Variants in PPM1L observed in about 807,000 individuals in gnomAD.
The protein encoded by PPM1L is protein phosphatase 1L.
In PPM1L, 13 loss-of-function variants were observed where a neutral mutation model predicts 31.4. The observed-to-expected ratio is 0.41, with a 90% CI of 0.27 to 0.66. PPM1L has a LOEUF of 0.66. Ranked by LOEUF, PPM1L falls within the 30% of genes least tolerant of loss-of-function variation. The pLI is 0.29. For synonymous variants in PPM1L, 184 were observed against 175.4 expected, an observed-to-expected ratio of 1.05 and a Z score of -0.39; for missense variants, 326 against 453.7, an observed-to-expected ratio of 0.72 and a Z score of 2.56.
At chr3:160,803,829 C>T (rs1400510970) in intron 1 of PPM1L, among the ~76,000 whole-genome samples, 2 of 152,224 alleles carry the variant, frequency 1.3e-5, no homozygotes, top group Non-Finnish European at 2.9e-5. Context: ...TGTGTTTAGA[C>T]ATCTTTTTTG....
intron 2 of PPM1L, among the ~76,000 whole-genome samples, chr3:160,970,930 A>G (rs1277086354): frequency 6.6e-6 from 1 of 151,740 alleles, no homozygotes; most frequent in Non-Finnish European, 1.5e-5. Flanking sequence ...AGCTGGGACT[A>G]CAGGCGCCCG....
intron 2 of PPM1L, among the ~76,000 whole-genome samples, chr3:161,033,597 T>A (rs1335483658): frequency 2.6e-5 from 4 of 152,190 alleles, no homozygotes; most frequent in African/African-American, 4.8e-5. Context: ...GGGGAAAGGA[T>A]TCCCTATTTA....
intron 2 of PPM1L, among the ~76,000 whole-genome samples, chr3:161,046,132 A>AAAC (rs1719058277): frequency 6.6e-6 from 1 of 150,496 alleles, no homozygotes; most frequent in Non-Finnish European, 1.5e-5. Flanking sequence ...AAAAAAAAAA[A>AAAC]AATCAATGAA....
At position 161,065,477 on chromosome 3, in the gene PPM1L, C is replaced by T. The variant is rs1719709950; in HGVS notation, c.649C>T (p.Leu217=). The T allele has an allele frequency of 1.2e-6, 2 of 1,613,930 alleles. No individual in the cohort carries two copies. Among genetic ancestry groups the T allele is most frequent in the Admixed American group, 1.7e-5 (1 of 59,984 alleles). ...VANVGDSRGV[L]CDKDGNAIPL... ...CAACGTGGGTGACTCGCGCGGGGTC[C>T]TGTGTGACAAAGATGGGAACGCTAT... The change falls in exon 3 of 4, where the codon CTG becomes TTG. Residue 217 remains leucine, a synonymous_variant. Coordinates refer to ENST00000498165, the MANE Select transcript of PPM1L (RefSeq NM_139245.4).
In PPM1L at chr3:160,817,847, G is replaced by C. The variant is rs556916756; in HGVS notation, c.399+61140G>C. On this transcript the variant is annotated intron_variant, in intron 1 of 3. Coordinates refer to ENST00000498165, the MANE Select transcript of PPM1L (RefSeq NM_139245.4). Reference sequence around the variant, plus strand: ...TCAGCTTTGGGCATATTTAGATTGAGGTGACAATTGGCCAGATAAGTATTC... The same window carrying C: ...TCAGCTTTGGGCATATTTAGATTGACGTGACAATTGGCCAGATAAGTATTC... Among the ~76,000 whole-genome samples, 334 of 152,052 alleles carry C rather than the reference G, an allele frequency of 2.2e-3. 2 individuals are homozygous for C. The highest frequency in any genetic ancestry group is 7.7e-3 in the African/African-American group (319 of 41,524).
chr3:160,827,464 T>TGTGTGG (rs982675132), intron 1 of PPM1L, among the ~76,000 whole-genome samples: 2 of 151,528 alleles, frequency 1.3e-5, no homozygotes, highest in Admixed American at 6.6e-5. Flanking sequence ...TGTGTGTGTG[T>TGTGTGG]GTGTGTGTGT....
chr3:160,833,867 G>T (rs1283309477), intron 1 of PPM1L, among the ~76,000 whole-genome samples: 1 of 151,850 alleles, frequency 6.6e-6, no homozygotes, highest in Non-Finnish European at 1.5e-5. Context: ...GTCCTGAATG[G>T]TATTGCCCAG....
At chr3:160,805,730 A>T (rs1413081010) in intron 1 of PPM1L, among the ~76,000 whole-genome samples, 1 of 152,092 alleles carries the variant, frequency 6.6e-6, no homozygotes, top group Non-Finnish European at 1.5e-5. Context: ...TCAAAAATAA[A>T]ATAAAATAAA....
intron 1 of PPM1L, among the ~76,000 whole-genome samples, chr3:160,794,039 C>G (rs1242750909): frequency 6.6e-6 from 1 of 152,142 alleles, no homozygotes; most frequent in Non-Finnish European, 1.5e-5. Flanking sequence ...TTACATCTCT[C>G]TGAGAATAGA....
In PPM1L at chr3:160,961,780, A is replaced by G. The variant is rs147890304; in HGVS notation, c.444A>G (p.Lys148=). The G allele has an allele frequency of 5.4e-5, 86 of 1,603,412 alleles. 1 individual carries two copies. In the Admixed American group the frequency reaches 1.0e-3, roughly 19 times the overall value. ...AATCTCGACTCCCAGAGGCCCTTAA[A>G]CAGCATCTTCAGGACTACGAGAAAG... ...YVKSRLPEAL[K]QHLQDYEKDK... The change falls in exon 2 of 4, where the codon AAA becomes AAG. Residue 148 remains lysine (K), a synonymous_variant. Coordinates refer to ENST00000498165, the MANE Select transcript of PPM1L (RefSeq NM_139245.4).
intron 2 of PPM1L, among the ~76,000 whole-genome samples, chr3:160,991,015 GGAA>G (rs1471053540): frequency 4.6e-5 from 7 of 151,380 alleles, no homozygotes; most frequent in South Asian, 2.1e-4. Flanking sequence ...GGGCCACATT[GGAA>G]GAAGAAGAAT....
chr3:161,038,690 C>T (rs890104145), intron 2 of PPM1L, among the ~76,000 whole-genome samples: 1 of 150,460 alleles, frequency 6.6e-6, no homozygotes, highest in Non-Finnish European at 1.5e-5. Context: ...ATAGTCTAGT[C>T]TCCCCTCTTA....
intron 2 of PPM1L, among the ~76,000 whole-genome samples, chr3:160,964,865 T>G (rs1249836648): frequency 6.6e-6 from 1 of 152,038 alleles, no homozygotes; most frequent in African/African-American, 2.4e-5. Context: ...ACCCATACGT[T>G]AATTATTTCA....
chr3:160,979,940 C>T (rs979374127), intron 2 of PPM1L, among the ~76,000 whole-genome samples: 1 of 151,980 alleles, frequency 6.6e-6, no homozygotes, highest in Non-Finnish European at 1.5e-5. Context: ...AACTGCAGTG[C>T]CAAGGTCAGA....
intron 1 of PPM1L, among the ~76,000 whole-genome samples, chr3:160,898,281 C>G (rs2108051355): frequency 6.6e-6 from 1 of 152,104 alleles, no homozygotes; most frequent in East Asian, 1.9e-4. Context: ...GAAGTAAAAA[C>G]CAAAATAATA....
At chr3:160,940,224 T>C (rs1715116851) in intron 1 of PPM1L, among the ~76,000 whole-genome samples, 1 of 152,132 alleles carries the variant, frequency 6.6e-6, no homozygotes, top group Admixed American at 6.6e-5. Context: ...TTCAGTTTTA[T>C]AAGGGAAGCA....
intron 2 of PPM1L, among the ~76,000 whole-genome samples, chr3:161,064,359 CCTAT>C (rs1359439470): frequency 6.8e-6 from 1 of 147,872 alleles, no homozygotes; most frequent in Non-Finnish European, 1.5e-5. Flanking sequence ...AGAGCAAGAC[CCTAT>C]CTCTTAAAAA....
intron 1 of PPM1L, among the ~76,000 whole-genome samples, chr3:160,908,290 A>T (rs1023565605): frequency 6.6e-6 from 1 of 152,168 alleles, no homozygotes; most frequent in African/African-American, 2.4e-5. Flanking sequence ...ATGGTGTAAG[A>T]GTGCTTTTAC....
At chr3:160,831,156 G>A (rs1054544468) in intron 1 of PPM1L, among the ~76,000 whole-genome samples, 5 of 152,320 alleles carry the variant, frequency 3.3e-5, no homozygotes, top group Admixed American at 1.3e-4. Flanking sequence ...TATATGGTCT[G>A]ACTTAATTTT....
Sources: gnomAD v4.1 joint callset for allele counts (sites outside exome capture counted in the v4.1 genomes callset) on GRCh38, gnomAD v4.1.1 for gene constraint, MANE v1.5 for transcripts, NCBI Gene and HGNC (gene_info 2026-07-23, HGNC 2026-07-21) for gene names.